The following NELFCD variants were observed in gnomAD, a reference collection of about 807,000 sequenced individuals.
The protein encoded by NELFCD is negative elongation factor C/D.
NELFCD carries 48 observed loss-of-function variants against 72.9 expected under a neutral mutation model. That is an observed-to-expected ratio of 0.66 (90% CI 0.52 to 0.84). The LOEUF (loss-of-function observed/expected upper bound fraction) is 0.84. NELFCD is among the 40% of genes least tolerant of loss of function. The pLI is 0.00. For synonymous variants in NELFCD, 297 were observed against 280.6 expected (o/e 1.06, Z -0.59); for missense variants, 538 against 723.8 (o/e 0.74, Z 2.94).
At position 58,986,248 on chromosome 20, in the gene NELFCD, G is replaced by A; in HGVS notation, c.176+40G>A. The A allele has an allele frequency of 7.4e-7, 1 of 1,350,934 alleles. No homozygotes were observed. Among genetic ancestry groups the A allele is most frequent in the Non-Finnish European group, 1.1e-6 (1 of 940,598 alleles). The allele number at this position is 1,350,934 out of a possible 1,614,324, so 83.7% of individuals were successfully genotyped here. ...TGTCTGTATTGGGAGGAGGCTGGGG[G>A]TAATTTAGAGAAAGTTTTGTAATAC... On this transcript the variant is annotated intron_variant, in intron 2 of 14. Transcript: ENST00000652272. The surrounding 1 kb of genome is among the most constrained non-coding windows in gnomAD (Gnocchi z 4.4).
chr20:58,994,633 T>C lies in NELFCD; in HGVS notation c.1712-9T>C. 1 of 1,600,420 alleles carries C rather than the reference T, an allele frequency of 6.2e-7. No homozygotes were observed. The highest frequency in any genetic ancestry group is 1.3e-5 in the African/African-American group (1 of 74,506). ...GTTTCTAACACAGTCACTGTTTTCC[T>C]CGTTAAAGCTCACTGCAAATCTAAC... On this transcript the variant is annotated splice_polypyrimidine_tract_variant and intron_variant, in intron 14 of 14. Coordinates refer to ENST00000652272, the MANE Select transcript of NELFCD (RefSeq NM_198976.4).
chr20:58,982,479 A>G (rs2091742556), intron 1 of NELFCD, among the ~76,000 whole-genome samples: 1 of 152,136 alleles, frequency 6.6e-6, no homozygotes, highest in African/African-American at 2.4e-5. Flanking sequence ...ATTTTTAACA[A>G]CAATCAAGAT....
At chr20:58,990,200 C>G in intron 7 of NELFCD, 1 of 559,512 alleles carries the variant, frequency 1.8e-6, no homozygotes, top group Non-Finnish European at 3.1e-6. Flanking sequence ...AGTTTGAGAC[C>G]AGCTTGACCA....
intron 1 of NELFCD, among the ~76,000 whole-genome samples, chr20:58,983,458 G>A (rs1245582627): frequency 1.8e-5 from 2 of 111,258 alleles, no homozygotes; most frequent in Admixed American, 1.0e-4. Flanking sequence ...TTTTTTCTTT[G>A]AGACGGAGTC....
rs1377891511 is a variant in NELFCD, at chr20:58,993,826, CTTAA to C, written c.1581+65_1581+68del. ...TTTACACTAGCACTGCCCTTTTTGG[CTTAA>C]TTTAGTTCATTTTGTACCTAACTGA... On this transcript the variant is annotated intron_variant, in intron 13 of 14. Transcript: ENST00000652272. This position sits in a 1 kb window ranked among gnomAD's most constrained non-coding sequence, Gnocchi z 5.0. The C allele has an allele frequency of 6.4e-7, 1 of 1,552,128 alleles. No individual in the cohort carries two copies. The highest frequency in any genetic ancestry group is 1.7e-5 in the Admixed American group (1 of 58,772).
At chr20:58,984,535 G>C (rs1314552193) in intron 1 of NELFCD, among the ~76,000 whole-genome samples, 1 of 152,140 alleles carries the variant, frequency 6.6e-6, no homozygotes, top group Admixed American at 6.5e-5. Context: ...TGGGGTGAGG[G>C]AGAGAAGCTG....
intron 4 of NELFCD, among the ~76,000 whole-genome samples, chr20:58,988,424 A>G (rs571380217): frequency 1.3e-5 from 2 of 152,258 alleles, no homozygotes; most frequent in African/African-American, 2.4e-5. Flanking sequence ...TGTGGCTGGG[A>G]GCAGCCTCGG....
intron 10 of NELFCD, 39 bp from the exon 11 acceptor site, chr20:58,992,959 A>T: frequency 7.0e-7 from 1 of 1,433,966 alleles, no homozygotes; most frequent in Non-Finnish European, 9.8e-7. Flanking sequence ...TTTGTGTTTT[A>T]AATTGTTTTT....
Position 58,993,771 on chromosome 20 carries a change from A to C in NELFCD, c.1581+7A>C, listed in dbSNP as rs765095311. On this transcript the variant is annotated splice_region_variant and intron_variant, in intron 13 of 14. Transcript: ENST00000652272. This position sits in a 1 kb window ranked among gnomAD's most constrained non-coding sequence, Gnocchi z 5.0. ...TCGCTATTTTGTCACTGAGGTCAGC[A>C]ATGCACCGTTGGTTTCATGTTTCAT... 11 of 1,613,864 alleles carry C rather than the reference A, an allele frequency of 6.8e-6. No individual in the cohort carries two copies. The highest frequency in any genetic ancestry group is 8.5e-6 in the Non-Finnish European group (10 of 1,179,942).
At chr20:58,991,811 G>C (rs550748221) in intron 9 of NELFCD, 70 bp from the exon 10 acceptor site, 2 of 1,556,580 alleles carry the variant, frequency 1.3e-6, no homozygotes, top group African/African-American at 2.7e-5. Context: ...AGAAGTGGCC[G>C]ACACCAGAAC....
rs113105477 is a variant in NELFCD at position 58,994,118 on chromosome 20, C to T, written c.1590C>T (p.Asp530=). ...TGTGCTCCCCCACGCAGGTGCTGGA[C>T]GTCATTGCTCCTCCTTATACCTCTG... is the stretch of plus-strand genomic sequence containing the variant. ...LIRYFVTEVL[D]VIAPPYTSDF... The change falls in exon 14 of 15, where the codon GAC becomes GAT. Residue 530 remains aspartate, a synonymous_variant. Transcript: ENST00000652272. 3.9e-5 allele frequency: 63 copies of T among 1,614,122 alleles called. 1 individual carries two copies. The highest frequency in any genetic ancestry group is 2.0e-4 in the African/African-American group (15 of 75,056).
chr20:58,994,580 A>AAT, intron 14 of NELFCD, 62 bp from the exon 15 acceptor site: 1 of 1,292,956 alleles, frequency 7.7e-7, no homozygotes, highest in Non-Finnish European at 1.1e-6. Context: ...AAAAAAAAAA[A>AAT]GAAAGAAAAT....
In NELFCD at chr20:58,991,510, T is replaced by C. The variant is rs2091817206; in HGVS notation, c.1089+64T>C. On this transcript the variant is annotated intron_variant, in intron 9 of 14. Coordinates refer to ENST00000652272, the MANE Select transcript of NELFCD (RefSeq NM_198976.4). ...ACAAATATCCTCCTCTGCTTTGATA[T>C]TATTTTGGAATTTTGGCTGCAAGAA... 2.1e-5 allele frequency: 34 copies of C among 1,590,080 alleles called. No homozygotes were observed. The South Asian group carries it at 3.1e-4, about 15-fold the overall frequency.
intron 1 of NELFCD, among the ~76,000 whole-genome samples, chr20:58,981,825 T>C (rs1203742327): frequency 1.3e-5 from 2 of 152,210 alleles, no homozygotes; most frequent in Non-Finnish European, 2.9e-5. Flanking sequence ...CTTAGGGCAT[T>C]CCTACATGTG....
chr20:58,993,046 A>T lies in NELFCD; in HGVS notation c.1278A>T (p.Val426=). Reference sequence around the variant, plus strand: ...TGCTGAAGTGGGTGGATTGGACTGTATCAGAACCAAGGTACTTTCAGCTGC... The same window carrying T: ...TGCTGAAGTGGGTGGATTGGACTGTTTCAGAACCAAGGTACTTTCAGCTGC... ...MGVLKWVDWT[V]SEPRYFQLQT... Residue 426 remains valine (V), a synonymous_variant, in exon 11 of 15, where the codon GTA becomes GTT. Coordinates refer to ENST00000652272, the MANE Select transcript of NELFCD (RefSeq NM_198976.4). The surrounding 1 kb of genome is among the most constrained non-coding windows in gnomAD (Gnocchi z 5.0). 6.2e-7 allele frequency: 1 copy of T among 1,614,156 alleles called. No homozygotes were observed. The highest frequency in any genetic ancestry group is 1.1e-5 in the South Asian group (1 of 91,082).
chr20:58,994,950 C>A lies in NELFCD; in HGVS notation c.*274C>A, dbSNP rs2091849006. On this transcript the variant is annotated 3_prime_UTR_variant, in exon 15 of 15. Transcript: ENST00000652272. ...GGCAGGCGCTGGGCTCCCACGACCCCTCAGGACAGATCTGGCCGTCAGCCG... is the reference window on the plus strand; with the variant it reads ...GGCAGGCGCTGGGCTCCCACGACCCATCAGGACAGATCTGGCCGTCAGCCG... The A allele has an allele frequency of 2.2e-6, 1 of 445,192 alleles. No individual in the cohort carries two copies. The highest frequency in any genetic ancestry group is 4.0e-5 in the East Asian group (1 of 24,974). 27.6% of individuals were successfully genotyped at this position (445,192 alleles called of 1,614,324 possible).
intron 1 of NELFCD, among the ~76,000 whole-genome samples, chr20:58,984,569 G>T (rs1360567218): frequency 1.3e-5 from 2 of 152,222 alleles, no homozygotes; most frequent in East Asian, 1.9e-4. Flanking sequence ...GGTTTGGGGG[G>T]TAACAAGTAG....
chr20:58,992,167 T>C, intron 10 of NELFCD, 147 bp downstream of exon 10: 1 of 767,340 alleles, frequency 1.3e-6, no homozygotes, highest in Middle Eastern at 2.7e-4. Flanking sequence ...TGTAGGGAAC[T>C]TTAAACAGCT....
chr20:58,993,647 G>T lies in NELFCD; in HGVS notation c.1464G>T (p.Leu488=), dbSNP rs754529794. 12 of 1,614,094 alleles carry T rather than the reference G, an allele frequency of 7.4e-6. No homozygotes were observed. The African/African-American group carries it at 1.5e-4, about 20-fold the overall frequency. The change falls in exon 13 of 15, where the codon CTG becomes CTT. Residue 488 remains leucine (L), a synonymous_variant. Transcript: ENST00000652272. This position sits in a 1 kb window ranked among gnomAD's most constrained non-coding sequence, Gnocchi z 5.0. ...MEQLELKKTL[L]DRMVHLLSRG... ...AGCTTGAGTTGAAGAAGACACTGCT[G>T]GACAGGATGGTTCACCTGCTGAGTC... is the stretch of plus-strand genomic sequence containing the variant.
Sources: allele counts gnomAD v4.1 joint callset (sites outside exome capture counted in the v4.1 genomes callset), GRCh38; gene constraint gnomAD v4.1.1; non-coding constraint Gnocchi (gnomAD v3.1); transcripts MANE v1.5; gene names NCBI Gene and HGNC (gene_info 2026-07-23, HGNC 2026-07-21).